The following PLPPR1 variants were observed in gnomAD, a reference collection of about 807,000 sequenced individuals.
PLPPR1 encodes phospholipid phosphatase-related protein type 1.
PLPPR1 carries 10 observed loss-of-function variants against 33.1 expected under a neutral mutation model. That is an observed-to-expected ratio of 0.30 (90% CI 0.19 to 0.51). The LOEUF (loss-of-function observed/expected upper bound fraction) is 0.51, where lower values mean the gene tolerates loss of function less well. Among genes scored for constraint, PLPPR1 ranks in the 20% least tolerant of loss-of-function variants. PLPPR1 has a pLI of 0.97. For synonymous variants in PLPPR1, 151 were observed against 151.0 expected (o/e 1.00, Z 0.00); for missense variants, 304 against 408.1 (o/e 0.74, Z 2.20).
At chr9:101,139,087 A>C (rs1191628710) in intron 1 of PLPPR1, among the ~76,000 whole-genome samples, 1 of 152,188 alleles carries the variant, frequency 6.6e-6, no homozygotes, top group Non-Finnish European at 1.5e-5. Flanking sequence ...TAATGATACC[A>C]ATGTCTTCAA....
At chr9:101,287,630 A>G (rs1413197609) in intron 4 of PLPPR1, among the ~76,000 whole-genome samples, 1 of 152,068 alleles carries the variant, frequency 6.6e-6, no homozygotes, top group Non-Finnish European at 1.5e-5. Flanking sequence ...CCTCCTGAGT[A>G]GGTGGGATTA....
At chr9:101,188,935 A>G (rs1022441338) in intron 2 of PLPPR1, among the ~76,000 whole-genome samples, 8 of 151,766 alleles carry the variant, frequency 5.3e-5, no homozygotes, top group African/African-American at 1.9e-4. Context: ...ACCTGTATTC[A>G]TCAGTTTCTT....
intron 4 of PLPPR1, among the ~76,000 whole-genome samples, chr9:101,289,878 A>G (rs1828462346): frequency 6.6e-6 from 1 of 152,222 alleles, no homozygotes; most frequent in Non-Finnish European, 1.5e-5. Context: ...GCCTAAAACT[A>G]GTTTCATAAA....
At chr9:101,035,808 C>T (rs928784449) in intron 1 of PLPPR1, among the ~76,000 whole-genome samples, 4 of 152,110 alleles carry the variant, frequency 2.6e-5, no homozygotes, top group South Asian at 4.1e-4. Context: ...TTCAAAGATT[C>T]GTTAGAAGTT....
chr9:101,059,013 G>A (rs117229152), intron 1 of PLPPR1, among the ~76,000 whole-genome samples: 104 of 152,218 alleles, frequency 6.8e-4, no homozygotes, highest in Admixed American at 2.1e-3. Context: ...CTATTCTGGT[G>A]GGGGGAGAAC....
intron 1 of PLPPR1, among the ~76,000 whole-genome samples, chr9:101,166,039 C>A (rs1396637302): frequency 6.6e-6 from 1 of 152,146 alleles, no homozygotes; most frequent in Non-Finnish European, 1.5e-5. Flanking sequence ...TGGAAGTTTT[C>A]TTCCTTAAAA....
chr9:101,217,293 A>C (rs1826819200), intron 2 of PLPPR1, among the ~76,000 whole-genome samples: 2 of 152,210 alleles, frequency 1.3e-5, no homozygotes, highest in Non-Finnish European at 2.9e-5. Flanking sequence ...TTAAAAAGGG[A>C]AATCATAGAA....
In PLPPR1 at chr9:101,227,560, G is replaced by A. The variant is rs546013309; in HGVS notation, c.63+42003G>A. On this transcript the variant is annotated intron_variant, in intron 2 of 7. Transcript: ENST00000374874. ...ATTCTGGACATTAGATTAATAGATTGCAAAAAGTTTCTCCCATTCTGTATG... is the reference window on the plus strand; with the variant it reads ...ATTCTGGACATTAGATTAATAGATTACAAAAAGTTTCTCCCATTCTGTATG... 2.6e-5 allele frequency among the ~76,000 whole-genome samples: 4 copies of A among 152,134 alleles called. No homozygotes were observed. In the South Asian group the frequency reaches 8.3e-4, roughly 32 times the overall value.
At chr9:101,094,550 A>G (rs138627530) in intron 1 of PLPPR1, among the ~76,000 whole-genome samples, 44 of 152,290 alleles carry the variant, frequency 2.9e-4, no homozygotes, top group Middle Eastern at 3.4e-3. Context: ...CCTTGAGCTT[A>G]GGACTGTTTT....
intron 1 of PLPPR1, among the ~76,000 whole-genome samples, chr9:101,046,466 G>A: frequency 7.8e-6 from 1 of 127,850 alleles, no homozygotes; most frequent in South Asian, 2.5e-4. Context: ...TTGAGACAGA[G>A]TCTCGCCATG....
chr9:101,167,703 T>C (rs1386112850), intron 1 of PLPPR1, among the ~76,000 whole-genome samples: 1 of 152,090 alleles, frequency 6.6e-6, no homozygotes, highest in Non-Finnish European at 1.5e-5. Context: ...CAAATGTCCC[T>C]TTTAAGCCAC....
intron 4 of PLPPR1, among the ~76,000 whole-genome samples, 188 bp downstream of exon 4, chr9:101,286,424 T>G (rs1828396057): frequency 6.6e-6 from 1 of 152,198 alleles, no homozygotes; most frequent in Non-Finnish European, 1.5e-5. Context: ...GTCTTATGAA[T>G]GATTTCAACT....
intron 1 of PLPPR1, among the ~76,000 whole-genome samples, chr9:101,066,884 A>G (rs1351142115): frequency 6.6e-6 from 1 of 152,046 alleles, no homozygotes; most frequent in East Asian, 1.9e-4. Flanking sequence ...GGGTGGGTTC[A>G]TTGAATTTCC....
At chr9:101,031,464 T>C (rs1463883083) in intron 1 of PLPPR1, among the ~76,000 whole-genome samples, 1 of 152,210 alleles carries the variant, frequency 6.6e-6, no homozygotes, top group Non-Finnish European at 1.5e-5. Context: ...TGGTTCTGTA[T>C]TGTACTATGA....
chr9:101,303,013 G>A (rs1414927756), intron 4 of PLPPR1, among the ~76,000 whole-genome samples: 3 of 152,180 alleles, frequency 2.0e-5, no homozygotes, highest in African/African-American at 7.2e-5. Context: ...TTGAGACAGA[G>A]TCTCGCTCTG....
intron 2 of PLPPR1, chr9:101,187,231 C>T (rs1193389303): frequency 2.0e-5 from 3 of 151,816 alleles, no homozygotes; most frequent in East Asian, 3.9e-4. Flanking sequence ...CTTTATCCTC[C>T]CTGCAGCAAT....
chr9:101,069,468 T>A (rs1336298373), intron 1 of PLPPR1, among the ~76,000 whole-genome samples: 15 of 152,062 alleles, frequency 9.9e-5, no homozygotes, highest in Admixed American at 9.8e-4. Flanking sequence ...GTGTCCTCCC[T>A]GGAAAGGCCT....
intron 1 of PLPPR1, among the ~76,000 whole-genome samples, chr9:101,145,218 T>C (rs1831505389): frequency 6.6e-6 from 1 of 152,176 alleles, no homozygotes; most frequent in Non-Finnish European, 1.5e-5. Flanking sequence ...GGACTGCAGT[T>C]AATAGCAATG....
chr9:101,085,373 G>A (rs912511775), intron 1 of PLPPR1, among the ~76,000 whole-genome samples: 2 of 152,164 alleles, frequency 1.3e-5, no homozygotes, highest in African/African-American at 4.8e-5. Context: ...GCTACCCCTT[G>A]AATCTAAAAA....
Sources: allele counts gnomAD v4.1 joint callset (sites outside exome capture counted in the v4.1 genomes callset), GRCh38; gene constraint gnomAD v4.1.1; transcripts MANE v1.5; gene names NCBI Gene and HGNC (gene_info 2026-07-23, HGNC 2026-07-21).